MYO1E: variants seen among roughly 807,000 people sequenced by gnomAD.
The protein encoded by MYO1E is myosin IE.
MYO1E carries 68 observed loss-of-function variants against 151.1 expected under a neutral mutation model. That is an observed-to-expected ratio of 0.45 (90% CI 0.37 to 0.55). The LOEUF (loss-of-function observed/expected upper bound fraction) is 0.55, where lower values mean the gene tolerates loss of function less well. Ranked by LOEUF, MYO1E falls within the 20% of genes least tolerant of loss-of-function variation. The probability of loss-of-function intolerance (pLI) is 0.00; values close to 1 mark genes in which losing one functional copy is unlikely to be tolerated. For synonymous variants in MYO1E, 601 were observed against 501.7 expected (o/e 1.20, Z -2.64); for missense variants, 1,363 against 1,389.3 (o/e 0.98, Z 0.30).
rs1239803074 is a variant in MYO1E, at chr15:59,314,260, G to A, written c.4-41811C>T. 7.9e-5 allele frequency among the ~76,000 whole-genome samples: 12 copies of A among 152,350 alleles called. No individual in the cohort carries two copies. In the East Asian group the frequency reaches 1.9e-3, roughly 24 times the overall value. On this transcript the variant is annotated intron_variant, in intron 1 of 27. Coordinates refer to ENST00000288235, the MANE Select transcript of MYO1E (RefSeq NM_004998.4). ...TCCCCTGAATATGAATGACAACTCT[G>A]TGCCTTAACTATTTCACACAATGCT...
chr15:59,295,368 C>CA (rs2080442669), intron 1 of MYO1E, among the ~76,000 whole-genome samples: 1 of 152,070 alleles, frequency 6.6e-6, no homozygotes, highest in South Asian at 2.1e-4. Context: ...CCTAAAAAGA[C>CA]CAACTGGACT....
chr15:59,327,493 T>A (rs2080672370), intron 1 of MYO1E, among the ~76,000 whole-genome samples: 2 of 151,928 alleles, frequency 1.3e-5, no homozygotes, highest in Non-Finnish European at 2.9e-5. Context: ...ATTATTATTA[T>A]TTATAGACAT....
intron 1 of MYO1E, among the ~76,000 whole-genome samples, chr15:59,358,871 A>C (rs1331104380): frequency 1.3e-5 from 2 of 152,188 alleles, no homozygotes; most frequent in Non-Finnish European, 2.9e-5. Flanking sequence ...ACTGTGGGTT[A>C]AGAGACTTGT....
In MYO1E at chr15:59,372,549, A is replaced by T; in HGVS notation, c.-49T>A. On this transcript the variant is annotated 5_prime_UTR_variant, in exon 1 of 28. Coordinates refer to ENST00000288235, the MANE Select transcript of MYO1E (RefSeq NM_004998.4). ...CTTCGCCGGGTCCCGCTGCCGGGGA[A>T]CTGGGGCTGGAACGCAGTCTTCTGG... The T allele has an allele frequency of 6.5e-7, 1 of 1,534,796 alleles. No individual in the cohort carries two copies. The highest frequency in any genetic ancestry group is 8.8e-7 in the Non-Finnish European group (1 of 1,140,604).
intron 1 of MYO1E, among the ~76,000 whole-genome samples, chr15:59,288,046 G>C (rs1315586747): frequency 6.6e-6 from 1 of 152,214 alleles, no homozygotes; most frequent in Admixed American, 6.5e-5. Flanking sequence ...GGTGCACAGA[G>C]GCACTCCTTA....
chr15:59,294,142 G>A (rs1466204655), intron 1 of MYO1E, among the ~76,000 whole-genome samples: 7 of 152,128 alleles, frequency 4.6e-5, no homozygotes, highest in Admixed American at 1.3e-4. Context: ...CTGATTGTTC[G>A]GTATTCATGT....
chr15:59,209,815 C>CTTTTTTTTTTTTTTTTTTTT lies in MYO1E; in HGVS notation c.1362+679_1362+698dup, dbSNP rs71119441. 2.8e-4 allele frequency among the ~76,000 whole-genome samples: 14 copies of CTTTTTTTTTTTTTTTTTTTT among 49,870 alleles called. 4 individuals carry two copies. Among genetic ancestry groups the CTTTTTTTTTTTTTTTTTTTT allele is most frequent in the Middle Eastern group, 0.029 (2 of 68 alleles). 32.7% of individuals were successfully genotyped at this position (49,870 alleles called of 152,430 possible). A position where few individuals can be genotyped will look rare whatever the true frequency, so the allele number is the denominator to read the frequency against. ...CTGTATCACTTTTATTTTGAATCAC[C>CTTTTTTTTTTTTTTTTTTTT]TTTTTTTTTTTTTTTTTTTTTTTTT... On this transcript the variant is annotated intron_variant, in intron 13 of 27. Coordinates refer to ENST00000288235, the MANE Select transcript of MYO1E (RefSeq NM_004998.4).
rs533450219 is a variant in MYO1E, at chr15:59,210,977, G to A, written c.1276-377C>T. Among the ~76,000 whole-genome samples, 5 of 152,104 alleles carry A rather than the reference G, an allele frequency of 3.3e-5. No homozygotes were observed. The East Asian group carries it at 5.8e-4, about 18-fold the overall frequency. On this transcript the variant is annotated intron_variant, in intron 12 of 27. Transcript: ENST00000288235. ...AGCACTTTGGGAGGCCGAGGTGGGC[G>A]GATCACAAGGTCAGGAGTTCGAGAC...
At chr15:59,160,506 C>G (rs1483318348) in intron 24 of MYO1E, among the ~76,000 whole-genome samples, 9 of 151,598 alleles carry the variant, frequency 5.9e-5, no homozygotes, top group African/African-American at 1.7e-4. Flanking sequence ...ACCTCCCAGG[C>G]TCAAGCCATC....
intron 18 of MYO1E, among the ~76,000 whole-genome samples, chr15:59,182,198 T>TGG (rs753726511): frequency 2.6e-5 from 4 of 152,156 alleles, no homozygotes; most frequent in Non-Finnish European, 4.4e-5. Flanking sequence ...TTGATTCTCC[T>TGG]CCCAGTATTC....
At chr15:59,246,622 A>G (rs4775137) in intron 4 of MYO1E, among the ~76,000 whole-genome samples, 118,959 of 151,982 alleles carry the variant, frequency 0.78, 47,242 homozygotes, top group Non-Finnish European at 0.85. Context: ...TTTTCTACCA[A>G]TAACCTTATC....
At position 59,180,477 on chromosome 15, in the gene MYO1E, C is replaced by T. The variant is rs1426046577; in HGVS notation, c.1905-1940G>A. 2.6e-5 allele frequency among the ~76,000 whole-genome samples: 4 copies of T among 151,720 alleles called. 1 individual carries two copies. The highest frequency in any genetic ancestry group is 4.2e-4 in the South Asian group (2 of 4,798). On this transcript the variant is annotated intron_variant, in intron 18 of 27. Transcript: ENST00000288235. ...AAATTATAAACTAAAGTATATTTAT[C>T]GTGCAACTGGAAATGGGTCTTTATG... is the stretch of plus-strand genomic sequence containing the variant.
chr15:59,333,194 G>C (rs2080708084), intron 1 of MYO1E, among the ~76,000 whole-genome samples: 1 of 152,120 alleles, frequency 6.6e-6, no homozygotes, highest in Non-Finnish European at 1.5e-5. Flanking sequence ...TGCTTTTCAA[G>C]TTTCTGTTTT....
chr15:59,343,399 T>A (rs1476831736), intron 1 of MYO1E, among the ~76,000 whole-genome samples: 7 of 152,094 alleles, frequency 4.6e-5, no homozygotes, highest in Non-Finnish European at 1.0e-4. Flanking sequence ...CTCCATCATA[T>A]GTTATTTGTT....
chr15:59,210,351 G>A (rs899461057), intron 13 of MYO1E, among the ~76,000 whole-genome samples, 163 bp downstream of exon 13: 6 of 151,920 alleles, frequency 3.9e-5, no homozygotes, highest in Non-Finnish European at 5.9e-5. Context: ...GAATAAAGCC[G>A]TACTGTTCTC....
chr15:59,162,803 T>C (rs2079545466), intron 23 of MYO1E, among the ~76,000 whole-genome samples: 1 of 152,170 alleles, frequency 6.6e-6, no homozygotes, highest in African/African-American at 2.4e-5. Flanking sequence ...TCTGTCACTT[T>C]TATCTGCTTC....
intron 26 of MYO1E, among the ~76,000 whole-genome samples, chr15:59,151,049 A>AGGG (rs1566964868): frequency 0.042 from 5,502 of 129,636 alleles, 339 homozygotes; most frequent in African/African-American, 0.15. Context: ...ACACACACAC[A>AGGG]CGCGCGCGCG....
chr15:59,162,232 G>A (rs1276224204), intron 23 of MYO1E, among the ~76,000 whole-genome samples: 2 of 152,004 alleles, frequency 1.3e-5, no homozygotes, highest in Non-Finnish European at 2.9e-5. Flanking sequence ...TTTTTGTAGA[G>A]ATGTGGTCTT....
intron 2 of MYO1E, among the ~76,000 whole-genome samples, chr15:59,262,849 A>C (rs2080232124): frequency 6.6e-6 from 1 of 152,220 alleles, no homozygotes; most frequent in African/African-American, 2.4e-5. Context: ...TTATGATCAC[A>C]TGAAAAATAT....
Sources: allele counts gnomAD v4.1 joint callset (sites outside exome capture counted in the v4.1 genomes callset), GRCh38; gene constraint gnomAD v4.1.1; transcripts MANE v1.5; gene names NCBI Gene and HGNC (gene_info 2026-07-23, HGNC 2026-07-21).